Variants in NRXN3 observed in about 807,000 individuals in gnomAD.
The protein encoded by NRXN3 is neurexin 3.
Under a neutral mutation model 137.6 loss-of-function variants are expected in NRXN3, and 32 were observed. That is an observed-to-expected ratio of 0.23 (90% CI 0.18 to 0.31). The LOEUF (loss-of-function observed/expected upper bound fraction) is 0.31. Ranked by LOEUF, NRXN3 falls within the 10% of genes least tolerant of loss-of-function variation. The pLI is 1.00. For synonymous variants in NRXN3, 798 were observed against 784.5 expected, an observed-to-expected ratio of 1.02 and a Z score of -0.29; for missense variants, 1,574 against 2,062.5, an observed-to-expected ratio of 0.76 and a Z score of 4.59.
At chr14:79,201,949 A>G (rs1211102753) in intron 15 of NRXN3, among the ~76,000 whole-genome samples, 1 of 152,244 alleles carries the variant, frequency 6.6e-6, no homozygotes, top group Non-Finnish European at 1.5e-5. Context: ...CTAAAGCCAT[A>G]TAGTTAGTAA....
chr14:78,806,045 CTTT>C (rs202241378), intron 9 of NRXN3, among the ~76,000 whole-genome samples: 5 of 83,572 alleles, frequency 6.0e-5, no homozygotes, highest in Admixed American at 1.5e-4. Flanking sequence ...ATAGACTTTG[CTTT>C]TTTTTTTTTT....
At chr14:79,149,996 C>A (rs1011924190) in intron 15 of NRXN3, among the ~76,000 whole-genome samples, 1 of 152,020 alleles carries the variant, frequency 6.6e-6, no homozygotes. Context: ...TGCACATGTA[C>A]CGTGGAACTT....
At chr14:78,327,163 T>C (rs967184866) in intron 4 of NRXN3, among the ~76,000 whole-genome samples, 13 of 152,194 alleles carry the variant, frequency 8.5e-5, no homozygotes, top group Non-Finnish European at 1.6e-4. Flanking sequence ...TTGTTAATGG[T>C]ATATCGAAAT....
At chr14:78,824,839 G>A (rs186395291) in intron 10 of NRXN3, among the ~76,000 whole-genome samples, 45 of 152,128 alleles carry the variant, frequency 3.0e-4, no homozygotes, top group Non-Finnish European at 3.7e-4. Context: ...CAAAGAAATG[G>A]TAAATGCTTG....
At chr14:78,826,071 A>C (rs547536302) in intron 10 of NRXN3, among the ~76,000 whole-genome samples, 3 of 152,354 alleles carry the variant, frequency 2.0e-5, no homozygotes, top group Non-Finnish European at 4.4e-5. Context: ...ACCTTGTACC[A>C]GATAATGTTT....
chr14:79,709,849 C>G (rs1458056671), intron 19 of NRXN3, among the ~76,000 whole-genome samples: 2 of 152,066 alleles, frequency 1.3e-5, no homozygotes, highest in African/African-American at 2.4e-5. Context: ...ATCTCTGAGG[C>G]CATTTCTCAT....
intron 15 of NRXN3, among the ~76,000 whole-genome samples, chr14:79,385,394 A>C (rs1437964959): frequency 2.0e-5 from 3 of 151,704 alleles, no homozygotes; most frequent in Non-Finnish European, 2.9e-5. Flanking sequence ...TGAACTCATC[A>C]TTTTTTATGG....
At chr14:78,839,418 A>G (rs1030136150) in intron 10 of NRXN3, among the ~76,000 whole-genome samples, 2 of 152,184 alleles carry the variant, frequency 1.3e-5, no homozygotes, top group African/African-American at 4.8e-5. Flanking sequence ...CTTAAAAGCA[A>G]TGGAGCTCAT....
At chr14:78,582,151 C>T (rs2097006189) in intron 4 of NRXN3, among the ~76,000 whole-genome samples, 1 of 152,188 alleles carries the variant, frequency 6.6e-6, no homozygotes. Flanking sequence ...AGCTGCAGGA[C>T]TAGAGAGAGC....
chr14:79,773,917 A>C (rs1275629293), intron 19 of NRXN3, among the ~76,000 whole-genome samples: 1 of 152,094 alleles, frequency 6.6e-6, no homozygotes, highest in South Asian at 2.1e-4. Context: ...TATAGACCTA[A>C]CATAAAGTAG....
At chr14:78,259,492 C>T (rs1010014067) in intron 2 of NRXN3, among the ~76,000 whole-genome samples, 1 of 152,072 alleles carries the variant, frequency 6.6e-6, no homozygotes, top group African/African-American at 2.4e-5. Flanking sequence ...AGCCATATAC[C>T]TCTAGGGATC....
chr14:79,416,933 A>G (rs1221726928), intron 15 of NRXN3, among the ~76,000 whole-genome samples: 1 of 152,198 alleles, frequency 6.6e-6, no homozygotes, highest in East Asian at 1.9e-4. Context: ...AGAAAAAAGT[A>G]TGGATAACAA....
chr14:78,866,302 A>T (rs1173630038), intron 10 of NRXN3, among the ~76,000 whole-genome samples: 1 of 152,192 alleles, frequency 6.6e-6, no homozygotes, highest in African/African-American at 2.4e-5. Flanking sequence ...TTTTGTGTTG[A>T]TTATACTAAA....
intron 4 of NRXN3, among the ~76,000 whole-genome samples, chr14:78,306,398 A>G (rs1002988562): frequency 1.3e-5 from 2 of 152,202 alleles, no homozygotes; most frequent in South Asian, 2.1e-4. Flanking sequence ...CTGTAGATCA[A>G]TATGTATACA....
At chr14:79,457,324 A>G (rs1865719) in intron 15 of NRXN3, among the ~76,000 whole-genome samples, 107,229 of 152,040 alleles carry the variant, frequency 0.71, 38,766 homozygotes, top group African/African-American at 0.87. Flanking sequence ...TCTTCACTTC[A>G]AGGTGCTCAC....
At chr14:79,204,185 C>A (rs2153221234) in intron 15 of NRXN3, among the ~76,000 whole-genome samples, 1 of 151,942 alleles carries the variant, frequency 6.6e-6, no homozygotes, top group African/African-American at 2.4e-5. Flanking sequence ...CAAAGAGCTC[C>A]CGTCAGGTGC....
chr14:78,756,945 TTTCTC>T (rs1481409225), intron 8 of NRXN3, among the ~76,000 whole-genome samples: 4 of 152,228 alleles, frequency 2.6e-5, no homozygotes, highest in African/African-American at 9.6e-5. Context: ...AACAGGCTGT[TTTCTC>T]TACTCAGCTG....
At chr14:79,280,644 T>G (rs1399576135) in intron 15 of NRXN3, 1 of 1,154,264 alleles carries the variant, frequency 8.7e-7, no homozygotes, top group Non-Finnish European at 1.2e-6. Context: ...AAAAAATGAA[T>G]TTAAAATGAT....
At chr14:78,996,900 C>T (rs750547718) in intron 15 of NRXN3, among the ~76,000 whole-genome samples, 1 of 151,986 alleles carries the variant, frequency 6.6e-6, no homozygotes, top group African/African-American at 2.4e-5. Context: ...ACAATGAAAC[C>T]CAGGGTCTTC....
Sources: allele counts gnomAD v4.1 joint callset (sites outside exome capture counted in the v4.1 genomes callset), GRCh38; gene constraint gnomAD v4.1.1; transcripts MANE v1.5; gene names NCBI Gene and HGNC (gene_info 2026-07-23, HGNC 2026-07-21).